Variants in EXOC4 observed in about 807,000 individuals in gnomAD.
EXOC4 encodes the protein exocyst complex component 4, also known as SEC8-like 1.
Under a neutral mutation model 107.2 loss-of-function variants are expected in EXOC4, and 71 were observed. The observed-to-expected ratio is 0.66, with a 90% CI of 0.55 to 0.81. The LOEUF (loss-of-function observed/expected upper bound fraction) is 0.81, where lower values mean the gene tolerates loss of function less well. EXOC4 is among the 30% of genes least tolerant of loss of function. EXOC4 has a pLI of 0.00. For missense variants in EXOC4, 1,108 were observed against 1,189.6 expected (o/e 0.93, Z 1.01); for synonymous variants, 456 against 441.2 (o/e 1.03, Z -0.42).
chr7:134,033,408 G>T (rs1227439970), intron 17 of EXOC4, among the ~76,000 whole-genome samples: 2 of 152,138 alleles, frequency 1.3e-5, no homozygotes, highest in Non-Finnish European at 2.9e-5. Flanking sequence ...TAGCACTGGA[G>T]GGAGAGGTCC....
At chr7:133,989,970 G>A (rs901456496) in intron 14 of EXOC4, among the ~76,000 whole-genome samples, 3 of 152,128 alleles carry the variant, frequency 2.0e-5, no homozygotes, top group Non-Finnish European at 2.9e-5. Flanking sequence ...CGTTTTAGTG[G>A]CAACAATCTA....
At chr7:133,345,803 C>T (rs1402837797) in intron 5 of EXOC4, among the ~76,000 whole-genome samples, 1 of 152,200 alleles carries the variant, frequency 6.6e-6, no homozygotes, top group Non-Finnish European at 1.5e-5. Context: ...GAAATGATAG[C>T]CCCAAGTAGC....
intron 11 of EXOC4, among the ~76,000 whole-genome samples, chr7:133,856,065 C>G (rs1003022686): frequency 2.6e-5 from 4 of 152,180 alleles, no homozygotes; most frequent in Non-Finnish European, 2.9e-5. Context: ...ACCCTACATG[C>G]TTATTAATTG....
In EXOC4 at chr7:133,535,348, G is replaced by A. The variant is rs942627869; in HGVS notation, c.1417+55210G>A. 4.6e-5 allele frequency among the ~76,000 whole-genome samples: 7 copies of A among 152,108 alleles called. No individual in the cohort carries two copies. In the East Asian group the frequency reaches 9.6e-4, roughly 21 times the overall value. On this transcript the variant is annotated intron_variant, in intron 9 of 17. Transcript: ENST00000253861. ...GCTACAGTAATTTTGTCTTTCAGCC[G>A]TGTAACAGCTGCCTTGTTTATGTGG...
chr7:133,835,324 A>C (rs1390736970), intron 11 of EXOC4, among the ~76,000 whole-genome samples: 1 of 152,202 alleles, frequency 6.6e-6, no homozygotes, highest in African/African-American at 2.4e-5. Flanking sequence ...CATGTGCCCA[A>C]GGTGGTCGGG....
intron 10 of EXOC4, among the ~76,000 whole-genome samples, chr7:133,697,264 A>T (rs1009415506): frequency 6.6e-6 from 1 of 151,988 alleles, no homozygotes; most frequent in Non-Finnish European, 1.5e-5. Flanking sequence ...GTTTTTTTAA[A>T]TTTTTTGTTT....
chr7:133,742,681 G>A (rs113497976), intron 10 of EXOC4, among the ~76,000 whole-genome samples: 6 of 152,218 alleles, frequency 3.9e-5, no homozygotes, highest in African/African-American at 1.4e-4. Flanking sequence ...ATTCACGATA[G>A]CTCATGCAAT....
intron 10 of EXOC4, among the ~76,000 whole-genome samples, chr7:133,785,494 A>G (rs1003733218): frequency 6.6e-6 from 1 of 152,152 alleles, no homozygotes; most frequent in African/African-American, 2.4e-5. Context: ...ACAAGGAGGA[A>G]GTGAGGTGAC....
At chr7:133,862,919 G>A (rs1563033122) in intron 11 of EXOC4, among the ~76,000 whole-genome samples, 1 of 152,170 alleles carries the variant, frequency 6.6e-6, no homozygotes, top group Non-Finnish European at 1.5e-5. Flanking sequence ...ATAGTTATCA[G>A]TGTGAGAATC....
At chr7:133,958,985 T>C (rs772389519) in intron 14 of EXOC4, among the ~76,000 whole-genome samples, 2 of 152,168 alleles carry the variant, frequency 1.3e-5, no homozygotes. Flanking sequence ...CTAGAAAGTC[T>C]TTTCTGAAAA....
At chr7:133,823,895 T>TTA (rs1157364204) in intron 11 of EXOC4, among the ~76,000 whole-genome samples, 73 of 17,854 alleles carry the variant, frequency 4.1e-3, no homozygotes, top group African/African-American at 7.4e-3. Context: ...TATATATATT[T>TTA]TATATATATA....
chr7:133,784,229 G>C (rs1372223785), intron 10 of EXOC4, among the ~76,000 whole-genome samples: 6 of 151,832 alleles, frequency 4.0e-5, no homozygotes. Context: ...TTGTAATAGT[G>C]CATAACAGTT....
At chr7:133,904,176 C>A (rs1328782671) in intron 12 of EXOC4, among the ~76,000 whole-genome samples, 1 of 151,632 alleles carries the variant, frequency 6.6e-6, no homozygotes, top group African/African-American at 2.4e-5. Context: ...TTTTTTAAGT[C>A]GAAGAAATAA....
At chr7:133,401,189 T>A (rs904613069) in intron 7 of EXOC4, among the ~76,000 whole-genome samples, 2 of 151,444 alleles carry the variant, frequency 1.3e-5, no homozygotes, top group African/African-American at 2.4e-5. Flanking sequence ...TTTTTTTTTT[T>A]AAACTTGGCA....
chr7:133,917,168 A>G (rs1344507736), intron 12 of EXOC4, among the ~76,000 whole-genome samples: 2 of 152,248 alleles, frequency 1.3e-5, no homozygotes, highest in East Asian at 3.9e-4. Context: ...AGTCCAGAGT[A>G]CAACCTTTTG....
intron 11 of EXOC4, among the ~76,000 whole-genome samples, chr7:133,850,083 C>T (rs878967763): frequency 1.3e-5 from 2 of 152,100 alleles, no homozygotes; most frequent in Admixed American, 6.5e-5. Context: ...CTTTGAGCTG[C>T]GTGTGTTCTT....
chr7:133,965,615 G>T (rs1801046621), intron 14 of EXOC4, among the ~76,000 whole-genome samples: 1 of 152,146 alleles, frequency 6.6e-6, no homozygotes, highest in South Asian at 2.1e-4. Flanking sequence ...TGTCAGGTTG[G>T]TCAAAGATCA....
chr7:133,516,374 G>C (rs1047678178), intron 9 of EXOC4, among the ~76,000 whole-genome samples: 1 of 151,910 alleles, frequency 6.6e-6, no homozygotes, highest in East Asian at 1.9e-4. Context: ...TTCTCCTCTA[G>C]TCTTAGGCAG....
chr7:133,804,889 G>A (rs984349298), intron 10 of EXOC4, among the ~76,000 whole-genome samples: 7 of 151,916 alleles, frequency 4.6e-5, no homozygotes, highest in South Asian at 2.1e-4. Flanking sequence ...TTAGCCAGCC[G>A]TATTTCTTTC....
Sources: allele counts gnomAD v4.1 joint callset (sites outside exome capture counted in the v4.1 genomes callset), GRCh38; gene constraint gnomAD v4.1.1; transcripts MANE v1.5; gene names NCBI Gene and HGNC (gene_info 2026-07-23, HGNC 2026-07-21).